SELENOT: variants seen among roughly 807,000 people sequenced by gnomAD.
SELENOT encodes the protein selenoprotein T.
In SELENOT, 9 loss-of-function variants were observed where a neutral mutation model predicts 24.3. The ratio of observed to expected loss-of-function variants is 0.37; its 90% confidence interval spans 0.22 to 0.65. The LOEUF is 0.65. Among genes scored for constraint, SELENOT ranks in the 30% least tolerant of loss-of-function variants. The probability of loss-of-function intolerance (pLI) is 0.60; values close to 1 mark genes in which losing one functional copy is unlikely to be tolerated. For synonymous variants in SELENOT, 81 were observed against 86.0 expected, an observed-to-expected ratio of 0.94 and a Z score of 0.32; for missense variants, 166 against 247.6, an observed-to-expected ratio of 0.67 and a Z score of 2.21.
chr3:150,627,311 T>C, intron 5 of SELENOT, 148 bp downstream of exon 5: 1 of 662,468 alleles, frequency 1.5e-6, no homozygotes, highest in Admixed American at 3.5e-5. Flanking sequence ...TTGAAGTGTA[T>C]GAAGAGAGTT....
chr3:150,611,676 C>G, intron 1 of SELENOT: 12 of 1,602,412 alleles, frequency 7.5e-6, no homozygotes, highest in Non-Finnish European at 1.0e-5. Flanking sequence ...GCTGGCGTTG[C>G]CTGCTGCCCG....
intron 1 of SELENOT, among the ~76,000 whole-genome samples, chr3:150,613,535 G>A (rs1447129912): frequency 6.6e-6 from 1 of 152,038 alleles, no homozygotes. Context: ...GATTTGTTTC[G>A]TGGAGTGTTA....
In SELENOT at chr3:150,621,187, G is replaced by C. The variant is rs140909843; in HGVS notation, c.138-1198G>C. On this transcript the variant is annotated intron_variant, in intron 1 of 5. Transcript: ENST00000471696. ...ATCTCTTTGCGAAATATTTAGACTT[G>C]TAAGGGACATTCATTCTAAATGTAA... 2.1e-4 allele frequency among the ~76,000 whole-genome samples: 32 copies of C among 152,166 alleles called. No homozygotes were observed. The East Asian group carries it at 5.8e-3, about 28-fold the overall frequency.
At chr3:150,613,114 T>C (rs1184106581) in intron 1 of SELENOT, among the ~76,000 whole-genome samples, 1 of 152,186 alleles carries the variant, frequency 6.6e-6, no homozygotes, top group African/African-American at 2.4e-5. Flanking sequence ...TAATAGAATA[T>C]CACAGACAAG....
chr3:150,604,269 T>G (rs985059675), intron 1 of SELENOT, among the ~76,000 whole-genome samples: 1 of 152,244 alleles, frequency 6.6e-6, no homozygotes, highest in African/African-American at 2.4e-5. Context: ...TTCGACAGTG[T>G]TCTTTAAATG....
At chr3:150,621,447 C>A (rs940318062) in intron 1 of SELENOT, among the ~76,000 whole-genome samples, 1 of 151,962 alleles carries the variant, frequency 6.6e-6, no homozygotes, top group African/African-American at 2.4e-5. Flanking sequence ...TAATTACTGA[C>A]CCTGCTTCCT....
chr3:150,612,010 G>A (rs1227076892), intron 1 of SELENOT: 3 of 516,456 alleles, frequency 5.8e-6, no homozygotes, highest in East Asian at 3.9e-5. Context: ...TGCTGGCGCC[G>A]AAACAGTGGA....
Position 150,629,253 on chromosome 3 carries a change from A to AT in SELENOT, c.*1626dup. The AT allele has an allele frequency of 6.6e-6, 1 of 152,506 alleles. No homozygotes were observed. Among genetic ancestry groups the AT allele is most frequent in the South Asian group, 2.1e-4 (1 of 4,834 alleles). 9.4% of individuals were successfully genotyped at this position (152,506 alleles called of 1,614,324 possible). A position where few individuals can be genotyped will look rare whatever the true frequency, so the allele number is the denominator to read the frequency against. ...TCTAATAATTCACTGCAGAAAATTG[A>AT]TTAAGTGGCTGTCCTTTTAATTAAG... is the stretch of plus-strand genomic sequence containing the variant. On this transcript the variant is annotated 3_prime_UTR_variant, in exon 6 of 6. Coordinates refer to ENST00000471696, the MANE Select transcript of SELENOT (RefSeq NM_016275.5).
Position 150,622,872 on chromosome 3 carries a change from A to G in SELENOT, c.249-171A>G, listed in dbSNP as rs891110390. ...AGGTTAATTTTTCAGGTGATTTTAA[A>G]TATATTAAACATTTTTGTTTTAACA... On this transcript the variant is annotated intron_variant, in intron 2 of 5. Coordinates refer to ENST00000471696, the MANE Select transcript of SELENOT (RefSeq NM_016275.5). Among the ~76,000 whole-genome samples the G allele has an allele frequency of 2.6e-5, 4 of 152,322 alleles. 1 individual carries two copies.
chr3:150,622,853 AT>A (rs1391946440), intron 2 of SELENOT, among the ~76,000 whole-genome samples, 189 bp from the exon 3 acceptor site: 1 of 152,172 alleles, frequency 6.6e-6, no homozygotes, highest in Non-Finnish European at 1.5e-5. Context: ...TTGTAGGTTA[AT>A]TTTTCAGGTG....
At position 150,603,323 on chromosome 3, in the gene SELENOT, AGTCT is replaced by A. The variant is rs1725884908; in HGVS notation, c.-34_-31del. ...CGCTCCTGGGCTTTGGGCTGGCTGCAGTCTGTCTGAGGGCGGCCGAAGTGGCTGG... is the reference window on the plus strand; with the variant it reads ...CGCTCCTGGGCTTTGGGCTGGCTGCAGTCTGAGGGCGGCCGAAGTGGCTGG... On this transcript the variant is annotated 5_prime_UTR_variant, in exon 1 of 6. Coordinates refer to ENST00000471696, the MANE Select transcript of SELENOT (RefSeq NM_016275.5). The A allele has an allele frequency of 1.3e-6, 2 of 1,591,772 alleles. No individual in the cohort carries two copies. The highest frequency in any genetic ancestry group is 2.3e-5 in the East Asian group (1 of 44,298).
chr3:150,606,233 C>G (rs1725959882), intron 1 of SELENOT, among the ~76,000 whole-genome samples: 2 of 150,024 alleles, frequency 1.3e-5, no homozygotes, highest in African/African-American at 4.9e-5. Context: ...GCCTTGACTT[C>G]CTGAGTTCCG....
intron 1 of SELENOT, among the ~76,000 whole-genome samples, chr3:150,608,402 C>T (rs572120669): frequency 1.6e-4 from 25 of 152,214 alleles, no homozygotes; most frequent in Non-Finnish European, 2.8e-4. Flanking sequence ...GCCATTTAAA[C>T]GGACACACTA....
chr3:150,618,354 C>A (rs1323777133), intron 1 of SELENOT, among the ~76,000 whole-genome samples: 1 of 152,186 alleles, frequency 6.6e-6, no homozygotes, highest in East Asian at 1.9e-4. Context: ...TAGAAAACCA[C>A]AAACAAGTAT....
intron 4 of SELENOT, among the ~76,000 whole-genome samples, chr3:150,625,453 A>G (rs548145223): frequency 1.3e-5 from 2 of 152,158 alleles, no homozygotes; most frequent in African/African-American, 2.4e-5. Context: ...TAGTCCCCCT[A>G]TTTTATGGAT....
intron 1 of SELENOT, among the ~76,000 whole-genome samples, chr3:150,605,916 C>G (rs1725952012): frequency 1.3e-5 from 2 of 152,214 alleles, no homozygotes; most frequent in South Asian, 4.1e-4. Context: ...TTAATTACCA[C>G]TGCTAACAAT....
chr3:150,616,965 C>A (rs115062100), intron 1 of SELENOT, among the ~76,000 whole-genome samples: 1 of 151,840 alleles, frequency 6.6e-6, no homozygotes, highest in East Asian at 1.9e-4. Flanking sequence ...TGGTTTTACA[C>A]AGGTGAATAC....
intron 1 of SELENOT, among the ~76,000 whole-genome samples, chr3:150,611,042 TTTTTG>T (rs1726078342): frequency 6.6e-6 from 1 of 152,064 alleles, no homozygotes; most frequent in Admixed American, 6.6e-5. Context: ...TGTGTATTTG[TTTTTG>T]TTTTCTTTTT....
Position 150,629,248 on chromosome 3 carries a change from AATTG to A in SELENOT, c.*1623_*1626del, listed in dbSNP as rs1726507710. 1 of 152,338 alleles carries A rather than the reference AATTG, an allele frequency of 6.6e-6. No individual in the cohort carries two copies. Among genetic ancestry groups the A allele is most frequent in the African/African-American group, 2.4e-5 (1 of 41,454 alleles). The allele number at this position is 152,338 out of a possible 1,614,324, so 9.4% of individuals were successfully genotyped here. A position where few individuals can be genotyped will look rare whatever the true frequency, so the allele number is the denominator to read the frequency against. ...GTTAGTCTAATAATTCACTGCAGAA[AATTG>A]ATTAAGTGGCTGTCCTTTTAATTAA... is the stretch of plus-strand genomic sequence containing the variant. On this transcript the variant is annotated 3_prime_UTR_variant, in exon 6 of 6. Transcript: ENST00000471696.
Sources: gnomAD v4.1 joint callset for allele counts (sites outside exome capture counted in the v4.1 genomes callset) on GRCh38, gnomAD v4.1.1 for gene constraint, MANE v1.5 for transcripts, NCBI Gene and HGNC (gene_info 2026-07-23, HGNC 2026-07-21) for gene names.